PCDHAC1: variants seen among roughly 807,000 people sequenced by gnomAD.
PCDHAC1 encodes the protein protocadherin alpha-C1.
In PCDHAC1, 42 loss-of-function variants were observed where a neutral mutation model predicts 60.0. The ratio of observed to expected loss-of-function variants is 0.70; its 90% CI spans 0.55 to 0.90. PCDHAC1 has a LOEUF of 0.90. Among genes scored for constraint, PCDHAC1 ranks in the 40% least tolerant of loss-of-function variants. The pLI is 0.00. For synonymous variants in PCDHAC1, 468 were observed against 499.3 expected (o/e 0.94, Z 0.84); for missense variants, 1,160 against 1,222.3 (o/e 0.95, Z 0.76).
chr5:140,978,860 A>G, intron 1 of PCDHAC1, 89 bp from the exon 2 acceptor site: 1 of 1,598,356 alleles, frequency 6.3e-7, no homozygotes, highest in African/African-American at 1.3e-5. Context: ...GCCTGGAAAT[A>G]TTTAAGGGAG....
rs369053351 is a variant in PCDHAC1, at chr5:140,982,539, C to A, written c.2557C>A (p.Pro853Thr). ...AGPGGPDQQW[P>T]TVSSATPEPE... The stretch of plus-strand genomic sequence containing the variant: ...TCCAGGAGGGCCTGATCAGCAGTGG[C>A]CAACAGTATCCAGTGCAACACCAGG... Residue 853 changes from proline (P) to threonine (T), a missense_variant, in exon 3 of 4, where the codon CCA (proline) becomes ACA (threonine). By Grantham distance (38) the Pro-to-Thr change is conservative. Coordinates refer to ENST00000253807, the MANE Select transcript of PCDHAC1 (RefSeq NM_018898.5). 29 of 1,614,008 alleles carry A rather than the reference C, an allele frequency of 1.8e-5. No individual in the cohort carries two copies. The highest frequency in any genetic ancestry group is 2.2e-5 in the Non-Finnish European group (26 of 1,180,032).
intron 1 of PCDHAC1, among the ~76,000 whole-genome samples, chr5:140,962,346 TC>T (rs35212677): frequency 6.6e-6 from 1 of 152,108 alleles, no homozygotes; most frequent in Non-Finnish European, 1.5e-5. Flanking sequence ...GAAGTAAAAC[TC>T]CCCCCAATAC....
chr5:140,978,875 T>A, intron 1 of PCDHAC1, 74 bp from the exon 2 acceptor site: 2 of 1,609,316 alleles, frequency 1.2e-6, no homozygotes, highest in Non-Finnish European at 1.7e-6. Flanking sequence ...AGGGAGTAAC[T>A]AATCAATTAG....
chr5:140,992,393 A>G (rs2097508684), intron 3 of PCDHAC1, among the ~76,000 whole-genome samples: 1 of 152,180 alleles, frequency 6.6e-6, no homozygotes, highest in African/African-American at 2.4e-5. Context: ...TTCTGGACTT[A>G]GAGATATTGT....
chr5:140,975,840 A>G (rs1387222678), intron 1 of PCDHAC1, among the ~76,000 whole-genome samples: 2 of 152,202 alleles, frequency 1.3e-5, no homozygotes, highest in African/African-American at 2.4e-5. Context: ...CTTATTCTTC[A>G]GTAATACTAC....
At chr5:141,007,638 T>G (rs1393056593) in intron 3 of PCDHAC1, among the ~76,000 whole-genome samples, 7 of 152,128 alleles carry the variant, frequency 4.6e-5, no homozygotes, top group African/African-American at 1.7e-4. Context: ...GCCCTCCCTG[T>G]ATTTGCCTAA....
At chr5:140,982,214 TG>T in intron 2 of PCDHAC1, 1 of 485,000 alleles carries the variant, frequency 2.1e-6, no homozygotes, top group Non-Finnish European at 3.3e-6. Flanking sequence ...GAGCGCCACA[TG>T]GCGTTAATAA....
intron 1 of PCDHAC1, among the ~76,000 whole-genome samples, chr5:140,937,911 CA>C (rs200797202): frequency 0.5 from 59,181 of 117,836 alleles, 12,230 homozygotes; most frequent in African/African-American, 0.63. Flanking sequence ...GACTCCGTCT[CA>C]AAAAAAAAAA....
intron 3 of PCDHAC1, among the ~76,000 whole-genome samples, chr5:141,008,863 C>T (rs902385521): frequency 6.6e-6 from 1 of 152,204 alleles, no homozygotes. Flanking sequence ...CTCTTCCATG[C>T]TGCATCCCAC....
rs70988781 is a variant in PCDHAC1 at position 140,941,319 on chromosome 5, CTT to C, written c.2433+12008_2433+12009del. Among the ~76,000 whole-genome samples, 109 of 104,374 alleles carry C rather than the reference CTT, an allele frequency of 1.0e-3. 2 individuals are homozygous for C. Among genetic ancestry groups the C allele is most frequent in the East Asian group, 2.8e-3 (11 of 3,932 alleles). The allele number at this position is 104,374 out of a possible 152,430, so 68.5% of individuals were successfully genotyped here. A position where few individuals can be genotyped will look rare whatever the true frequency, so the allele number is the denominator to read the frequency against. ...TTCTTTCTTTCTTTTTCTTCTTTCT[CTT>C]TTTTTTTTTTTTTCAGATGGAGTCT... On this transcript the variant is annotated intron_variant, in intron 1 of 3. Coordinates refer to ENST00000253807, the MANE Select transcript of PCDHAC1 (RefSeq NM_018898.5).
intron 1 of PCDHAC1, among the ~76,000 whole-genome samples, chr5:140,964,843 T>C (rs1229980696): frequency 6.6e-6 from 1 of 152,162 alleles, no homozygotes; most frequent in African/African-American, 2.4e-5. Flanking sequence ...TCCTACTCTG[T>C]ACCCTTGAGG....
intron 2 of PCDHAC1, among the ~76,000 whole-genome samples, chr5:140,981,054 G>T (rs1024298698): frequency 1.3e-5 from 2 of 152,182 alleles, no homozygotes; most frequent in Admixed American, 1.3e-4. Flanking sequence ...GATAATTCTA[G>T]AGTGTAGACA....
At chr5:140,949,745 T>C (rs114918785) in intron 1 of PCDHAC1, among the ~76,000 whole-genome samples, 49 of 152,020 alleles carry the variant, frequency 3.2e-4, no homozygotes, top group African/African-American at 1.1e-3. Context: ...ACTGAAGTGC[T>C]TAGCCCATTC....
intron 3 of PCDHAC1, among the ~76,000 whole-genome samples, chr5:140,992,330 C>A (rs1240004004): frequency 6.6e-6 from 1 of 152,070 alleles, no homozygotes. Context: ...TTTCTAAGAG[C>A]AAAGATGGAA....
At chr5:140,980,616 G>A (rs2096898086) in intron 2 of PCDHAC1, among the ~76,000 whole-genome samples, 4 of 151,912 alleles carry the variant, frequency 2.6e-5, no homozygotes, top group Admixed American at 2.0e-4. Context: ...GCGACAGTGC[G>A]AGACTCTGTC....
At chr5:140,981,828 A>C (rs2096952526) in intron 2 of PCDHAC1, among the ~76,000 whole-genome samples, 1 of 152,060 alleles carries the variant, frequency 6.6e-6, no homozygotes, top group Non-Finnish European at 1.5e-5. Context: ...GCTTGCCTCT[A>C]AAGGTCTCCC....
chr5:140,970,471 G>T (rs773565871), intron 1 of PCDHAC1, among the ~76,000 whole-genome samples: 1 of 152,142 alleles, frequency 6.6e-6, no homozygotes, highest in African/African-American at 2.4e-5. Context: ...TAGGTATAAG[G>T]CCAGCTTGTT....
intron 1 of PCDHAC1, among the ~76,000 whole-genome samples, chr5:140,938,665 G>A (rs542703903): frequency 7.1e-4 from 108 of 152,106 alleles, no homozygotes; most frequent in Admixed American, 1.2e-3. Context: ...ATTAGACTTA[G>A]TTTCCTAACA....
chr5:140,947,645 A>G (rs1373528004), intron 1 of PCDHAC1, among the ~76,000 whole-genome samples: 2 of 151,670 alleles, frequency 1.3e-5, no homozygotes, highest in African/African-American at 2.4e-5. Flanking sequence ...GTATGAACAT[A>G]TATACCTCCA....
Sources: allele counts gnomAD v4.1 joint callset (sites outside exome capture counted in the v4.1 genomes callset), GRCh38; gene constraint gnomAD v4.1.1; transcripts MANE v1.5; gene names NCBI Gene and HGNC (gene_info 2026-07-23, HGNC 2026-07-21).